LRP1B: variants seen among roughly 807,000 people sequenced by gnomAD.
The protein encoded by LRP1B is low-density lipoprotein receptor-related protein 1B.
Under a neutral mutation model 556.6 loss-of-function variants are expected in LRP1B, and 217 were observed. The ratio of observed to expected loss-of-function variants is 0.39; its 90% CI spans 0.35 to 0.44. The LOEUF (loss-of-function observed/expected upper bound fraction) is 0.44. Among genes scored for constraint, LRP1B ranks in the 20% least tolerant of loss-of-function variants. The pLI, the probability that LRP1B is intolerant of heterozygous loss-of-function variation, is 1.00. For synonymous variants in LRP1B, 2,047 were observed against 1,865.8 expected, an observed-to-expected ratio of 1.10 and a Z score of -2.50; for missense variants, 5,053 against 5,620.8, an observed-to-expected ratio of 0.90 and a Z score of 3.23.
At chr2:141,760,868 G>C (rs1291033531) in intron 2 of LRP1B, among the ~76,000 whole-genome samples, 1 of 152,102 alleles carries the variant, frequency 6.6e-6, no homozygotes, top group African/African-American at 2.4e-5. Flanking sequence ...TATCACATAA[G>C]AAAGATTATC....
chr2:140,713,075 G>A (rs1243578560), intron 37 of LRP1B, among the ~76,000 whole-genome samples: 1 of 151,926 alleles, frequency 6.6e-6, no homozygotes, highest in Non-Finnish European at 1.5e-5. Flanking sequence ...TTATTACAGA[G>A]CCTGAATTCT....
At chr2:141,044,019 A>G (rs917704403) in intron 11 of LRP1B, among the ~76,000 whole-genome samples, 2 of 151,982 alleles carry the variant, frequency 1.3e-5, no homozygotes. Flanking sequence ...ACTTCAAACT[A>G]TACTACAAGG....
chr2:140,828,345 C>T (rs1007233001), intron 31 of LRP1B, among the ~76,000 whole-genome samples: 3 of 151,776 alleles, frequency 2.0e-5, no homozygotes, highest in African/African-American at 7.3e-5. Context: ...CGCGGTGGCT[C>T]ACGCCTGTAA....
intron 67 of LRP1B, among the ~76,000 whole-genome samples, chr2:140,382,552 C>A (rs975599957): frequency 6.6e-6 from 1 of 151,900 alleles, no homozygotes; most frequent in African/African-American, 2.4e-5. Flanking sequence ...GCAAAGTGTC[C>A]CTGCTGAACA....
chr2:140,426,262 G>A (rs1685648316), intron 66 of LRP1B, among the ~76,000 whole-genome samples: 1 of 152,190 alleles, frequency 6.6e-6, no homozygotes, highest in Admixed American at 6.5e-5. Context: ...GAAAAGCTAA[G>A]CTGTAATTAT....
chr2:140,322,201 A>G lies in LRP1B; in HGVS notation c.12515-113T>C, dbSNP rs1021921176. On this transcript the variant is annotated intron_variant, in intron 81 of 90. Transcript: ENST00000389484. ...ATTAGCAATGTTGAAAAGTAATCAC[A>G]TTAAATTTCCACTGATGTGGAGTAT... The G allele has an allele frequency of 5.4e-5, 57 of 1,051,032 alleles. 1 individual carries two copies. The African/African-American group carries it at 6.5e-4, about 12-fold the overall frequency. 65.1% of individuals were successfully genotyped at this position (1,051,032 alleles called of 1,614,324 possible). A position where few individuals can be genotyped will look rare whatever the true frequency, so the allele number is the denominator to read the frequency against.
chr2:140,519,186 C>A (rs60855458), intron 49 of LRP1B, among the ~76,000 whole-genome samples: 32,403 of 152,044 alleles, frequency 0.21, 4,191 homozygotes, highest in East Asian at 0.5. Flanking sequence ...AAGCTGGAAG[C>A]ATCACACTAC....
chr2:141,901,928 T>C (rs890131767), intron 1 of LRP1B, among the ~76,000 whole-genome samples: 3 of 144,750 alleles, frequency 2.1e-5, no homozygotes, highest in African/African-American at 5.1e-5. Flanking sequence ...TGTATGTGAT[T>C]GGAAATGTTT....
At chr2:140,670,079 T>A (rs1685424433) in intron 41 of LRP1B, among the ~76,000 whole-genome samples, 1 of 152,132 alleles carries the variant, frequency 6.6e-6, no homozygotes, top group Admixed American at 6.5e-5. Context: ...TCTCTAAGAA[T>A]GTTTCCCAAT....
intron 66 of LRP1B, among the ~76,000 whole-genome samples, chr2:140,426,566 C>A (rs1334521221): frequency 6.6e-6 from 1 of 152,174 alleles, no homozygotes; most frequent in Non-Finnish European, 1.5e-5. Flanking sequence ...CCTGGCTCAT[C>A]CTGGCTCAAA....
intron 23 of LRP1B, among the ~76,000 whole-genome samples, chr2:140,896,594 G>A (rs754845345): frequency 1.3e-5 from 2 of 152,146 alleles, no homozygotes; most frequent in Non-Finnish European, 2.9e-5. Flanking sequence ...CAATGCTCCT[G>A]CCTCAGTCAC....
At position 140,510,039 on chromosome 2, in the gene LRP1B, C is replaced by T. The variant is rs2104917623; in HGVS notation, c.8287G>A (p.Ala2763Thr). The T allele has an allele frequency of 2.5e-6, 4 of 1,613,748 alleles. No individual in the cohort carries two copies. Among genetic ancestry groups the T allele is most frequent in the Non-Finnish European group, 3.4e-6 (4 of 1,179,960 alleles). The change falls in exon 52 of 91, where the codon GCT becomes ACT. Residue 2763 changes from alanine (A) to threonine (T), a missense_variant. This residue lies in a region of LRP1B where 3,619 missense variants were observed against 3,931.9 expected (regional missense o/e 0.92). Transcript: ENST00000389484. ...DSICGAITCA[A>T]DMFSCQGSRA... ...GAGCCCTGGCAGCTGAACATGTCAG[C>T]AGCACAGGTTATGGCACCTGAAACA...
chr2:140,889,101 G>A (rs1693726456), intron 23 of LRP1B, among the ~76,000 whole-genome samples: 1 of 152,068 alleles, frequency 6.6e-6, no homozygotes, highest in Non-Finnish European at 1.5e-5. Context: ...TGGTACTCAA[G>A]TTATCTACAT....
At chr2:142,048,997 G>A (rs1450705086) in intron 1 of LRP1B, among the ~76,000 whole-genome samples, 1 of 151,986 alleles carries the variant, frequency 6.6e-6, no homozygotes, top group African/African-American at 2.4e-5. Flanking sequence ...TAAATCAATA[G>A]TTTCTAAATG....
chr2:140,503,621 T>C (rs1486454037), intron 53 of LRP1B, among the ~76,000 whole-genome samples: 2 of 152,112 alleles, frequency 1.3e-5, no homozygotes, highest in South Asian at 2.1e-4. Flanking sequence ...AAAACTATTA[T>C]AATTATCCTA....
At chr2:140,570,151 A>C (rs1344765153) in intron 43 of LRP1B, among the ~76,000 whole-genome samples, 1 of 151,774 alleles carries the variant, frequency 6.6e-6, no homozygotes, top group Non-Finnish European at 1.5e-5. Flanking sequence ...AACAAAACTC[A>C]ACATTAGTAG....
intron 1 of LRP1B, among the ~76,000 whole-genome samples, chr2:141,938,424 A>G (rs563651019): frequency 5.9e-5 from 9 of 152,302 alleles, no homozygotes; most frequent in African/African-American, 2.2e-4. Context: ...TGACCATGAT[A>G]AAGAAGATAA....
At chr2:140,410,519 A>G (rs1052529254) in intron 66 of LRP1B, among the ~76,000 whole-genome samples, 5 of 151,756 alleles carry the variant, frequency 3.3e-5, no homozygotes, top group African/African-American at 1.2e-4. Flanking sequence ...AATCATATTT[A>G]TCAGAGAGAC....
intron 2 of LRP1B, among the ~76,000 whole-genome samples, chr2:141,525,267 G>A (rs1475437619): frequency 6.6e-6 from 1 of 151,980 alleles, no homozygotes; most frequent in Non-Finnish European, 1.5e-5. Flanking sequence ...AGAAGATAGA[G>A]GATTTGAAGG....
Sources: allele counts gnomAD v4.1 joint callset (sites outside exome capture counted in the v4.1 genomes callset), GRCh38; gene constraint gnomAD v4.1.1; regional missense constraint gnomAD v4.1.1; transcripts MANE v1.5; gene names NCBI Gene and HGNC (gene_info 2026-07-23, HGNC 2026-07-21).